RAD52: variants seen among roughly 807,000 people sequenced by gnomAD.
The protein encoded by RAD52 is RAD52 DNA repair protein.
RAD52 carries 47 observed loss-of-function variants against 55.5 expected under a neutral mutation model. The observed-to-expected ratio is 0.85, with a 90% confidence interval of 0.67 to 1.08. The LOEUF (loss-of-function observed/expected upper bound fraction) is 1.08, where lower values mean the gene tolerates loss of function less well. Among genes scored for constraint, RAD52 ranks in the 50% least tolerant of loss-of-function variants. The pLI is 0.00. For synonymous variants in RAD52, 184 were observed against 198.9 expected (o/e 0.92, Z 0.63); for missense variants, 468 against 522.8 (o/e 0.90, Z 1.02).
intron 1 of RAD52, among the ~76,000 whole-genome samples, chr12:935,928 A>G (rs1957599988): frequency 6.7e-6 from 1 of 148,182 alleles, no homozygotes; most frequent in South Asian, 2.4e-4. Flanking sequence ...CATGTTGGCC[A>G]GCCTGATCTC....
upstream of RAD52, among the ~76,000 whole-genome samples, chr12:951,159 C>T (rs893432096): frequency 2.0e-5 from 3 of 152,162 alleles, no homozygotes; most frequent in Non-Finnish European, 2.9e-5. Flanking sequence ...GTTGCCCAGA[C>T]TGTACTGCAG....
At chr12:974,687 A>C (rs1354685962) in intron 1 of RAD52, 1 of 152,240 alleles carries the variant, frequency 6.6e-6, no homozygotes, top group Admixed American at 6.5e-5. Context: ...AATAGTAACT[A>C]ACCTCATCAA....
At chr12:974,074 A>T (rs1358571847) in intron 1 of RAD52, 1 of 152,332 alleles carries the variant, frequency 6.6e-6, no homozygotes, top group Admixed American at 6.5e-5. Context: ...ATTTGGTCTC[A>T]GTAACCGGAC....
chr12:948,856 G>A (rs1192877242), intron 1 of RAD52, among the ~76,000 whole-genome samples: 1 of 151,868 alleles, frequency 6.6e-6, no homozygotes, highest in Non-Finnish European at 1.5e-5. Flanking sequence ...CCCGCCACCA[G>A]GCCTGCCTAG....
chr12:971,840 CG>C (rs58143784), intron 1 of RAD52, among the ~76,000 whole-genome samples: 5,506 of 152,044 alleles, frequency 0.036, 266 homozygotes, highest in African/African-American at 0.11. Context: ...CTCCGCCCCC[CG>C]GGGTTCACGC....
intron 7 of RAD52, 141 bp from the exon 8 acceptor site, chr12:916,961 G>C: frequency 1.8e-6 from 2 of 1,082,184 alleles, no homozygotes; most frequent in Non-Finnish European, 2.6e-6. Context: ...GTAACTCCAT[G>C]AGCAGGAGGA....
intron 1 of RAD52, among the ~76,000 whole-genome samples, chr12:934,718 A>AATC (rs1230690559): frequency 5.9e-5 from 9 of 152,158 alleles, no homozygotes; most frequent in Admixed American, 4.6e-4. Context: ...TCACATATCA[A>AATC]ATCATCACAT....
intron 1 of RAD52, among the ~76,000 whole-genome samples, chr12:960,163 C>T (rs1958663452): frequency 6.6e-6 from 1 of 152,176 alleles, no homozygotes; most frequent in Non-Finnish European, 1.5e-5. Flanking sequence ...TGAATAGAAA[C>T]ATCACTCTGG....
chr12:970,276 A>G (rs1016196380), intron 1 of RAD52, among the ~76,000 whole-genome samples: 3 of 140,684 alleles, frequency 2.1e-5, no homozygotes, highest in Non-Finnish European at 4.5e-5. Flanking sequence ...TTGAGATGGC[A>G]CTACTGCACT....
At chr12:979,892 A>C (rs1369583769) in intron 1 of RAD52, among the ~76,000 whole-genome samples, 1 of 152,058 alleles carries the variant, frequency 6.6e-6, no homozygotes, top group African/African-American at 2.4e-5. Context: ...CTAAAAATAC[A>C]AAAAATTAGC....
At chr12:946,096 A>C (rs1290164969) in intron 1 of RAD52, among the ~76,000 whole-genome samples, 1 of 152,064 alleles carries the variant, frequency 6.6e-6, no homozygotes, top group Non-Finnish European at 1.5e-5. Context: ...GCACTCCCAC[A>C]CTCAGCCATT....
intron 7 of RAD52, among the ~76,000 whole-genome samples, chr12:923,823 C>T (rs898198421): frequency 3.3e-5 from 5 of 151,484 alleles, no homozygotes; most frequent in African/African-American, 9.7e-5. Context: ...TTTCGGAGGC[C>T]GAGGCAGGCG....
At chr12:950,868 C>A (rs548173056), upstream of RAD52, among the ~76,000 whole-genome samples, 84 of 152,198 alleles carry the variant, frequency 5.5e-4, no homozygotes, top group African/African-American at 2.0e-3. Context: ...TACCCTGAGA[C>A]CAACATCTTC....
At chr12:918,423 G>A (rs1956527396) in intron 7 of RAD52, among the ~76,000 whole-genome samples, 2 of 152,074 alleles carry the variant, frequency 1.3e-5, no homozygotes, top group Non-Finnish European at 1.5e-5. Flanking sequence ...TTGAGAGAGG[G>A]TCTCGCTCTG....
chr12:914,628 C>G, intron 9 of RAD52, 96 bp from the exon 10 acceptor site: 1 of 1,446,352 alleles, frequency 6.9e-7, no homozygotes, highest in Non-Finnish European at 9.4e-7. Flanking sequence ...AGAGGGAACA[C>G]TCTCCGAAGC....
chr12:948,522 G>C (rs956881427), intron 1 of RAD52, among the ~76,000 whole-genome samples: 1 of 152,084 alleles, frequency 6.6e-6, no homozygotes, highest in Admixed American at 6.6e-5. Flanking sequence ...AGCTGGGTGT[G>C]GTGGTATGCG....
intron 1 of RAD52, among the ~76,000 whole-genome samples, chr12:939,085 T>TGTGTGTGTGTGG (rs57206780): frequency 2.1e-5 from 3 of 144,650 alleles, no homozygotes; most frequent in South Asian, 2.2e-4. Context: ...TGTGTGTGTG[T>TGTGTGTGTGTGG]AGAGAGAGAG....
upstream of RAD52, among the ~76,000 whole-genome samples, chr12:951,804 T>G (rs2154120012): frequency 6.6e-6 from 1 of 152,330 alleles, no homozygotes; most frequent in East Asian, 1.9e-4. Flanking sequence ...TTTTTTGTTT[T>G]AAGTAAAGGC....
intron 1 of RAD52, among the ~76,000 whole-genome samples, chr12:967,485 G>T (rs922457986): frequency 2.6e-5 from 4 of 151,798 alleles, no homozygotes; most frequent in Non-Finnish European, 5.9e-5. Context: ...TGGCTAGTGG[G>T]TACCCCTTCC....
Sources: gnomAD v4.1 joint callset for allele counts (sites outside exome capture counted in the v4.1 genomes callset) on GRCh38, gnomAD v4.1.1 for gene constraint, MANE v1.5 for transcripts, NCBI Gene and HGNC (gene_info 2026-07-23, HGNC 2026-07-21) for gene names.